PXK: variants seen among roughly 807,000 people sequenced by gnomAD.
The protein encoded by PXK is PX domain-containing protein kinase-like protein.
In PXK, 35 loss-of-function variants were observed where a neutral mutation model predicts 84.7. The ratio of observed to expected loss-of-function variants is 0.41; its 90% CI spans 0.32 to 0.55. The LOEUF (loss-of-function observed/expected upper bound fraction) is 0.55. Ranked by LOEUF, PXK falls within the 20% of genes least tolerant of loss-of-function variation. PXK has a pLI of 0.21. For missense variants in PXK, 634 were observed against 699.7 expected (o/e 0.91, Z 1.06); for synonymous variants, 253 against 260.8 (o/e 0.97, Z 0.29).
At chr3:58,372,736 C>T (rs908329423) in intron 3 of PXK, among the ~76,000 whole-genome samples, 4 of 130,746 alleles carry the variant, frequency 3.1e-5, no homozygotes, top group Admixed American at 1.5e-4. Context: ...AAGCAATTCT[C>T]CTGCCATAAC....
intron 8 of PXK, 123 bp from the exon 9 acceptor site, chr3:58,395,535 C>T (rs62258105): frequency 0.28 from 199,487 of 702,366 alleles, 35,664 homozygotes; most frequent in East Asian, 0.78. Context: ...TAAAAACTCA[C>T]ATCTTGCAGC....
In PXK at chr3:58,383,828, CA is replaced by C. The variant is rs2098527732; in HGVS notation, c.388+1129del. Among the ~76,000 whole-genome samples the C allele has an allele frequency of 6.6e-6, 1 of 152,142 alleles. No individual in the cohort carries two copies. The highest frequency in any genetic ancestry group is 1.5e-5 in the Non-Finnish European group (1 of 68,016). On this transcript the variant is annotated intron_variant, in intron 4 of 17. Transcript: ENST00000356151. This position sits in a 1 kb window ranked among gnomAD's most constrained non-coding sequence, Gnocchi z 4.0. ...TACTTTGCTTGCTAAGAGAATACAC[CA>C]TATCAGATAATTGAGTCCTTAAAAC...
At chr3:58,413,002 C>T (rs376787012) in intron 17 of PXK, 39 bp downstream of exon 17, 17 of 1,597,172 alleles carry the variant, frequency 1.1e-5, no homozygotes, top group Admixed American at 1.0e-4. Context: ...CCTTCCTGTC[C>T]GCCAACAGGA....
At chr3:58,406,925 G>A (rs1332584614) in intron 13 of PXK, among the ~76,000 whole-genome samples, 1 of 152,116 alleles carries the variant, frequency 6.6e-6, no homozygotes, top group East Asian at 1.9e-4. Flanking sequence ...ATATTCCATT[G>A]TATGTATATG....
At chr3:58,344,166 G>A (rs148141276) in intron 1 of PXK, among the ~76,000 whole-genome samples, 27 of 152,300 alleles carry the variant, frequency 1.8e-4, no homozygotes, top group Non-Finnish European at 3.5e-4. Context: ...AGGATTAACC[G>A]AGCTCATCCA....
intron 1 of PXK, among the ~76,000 whole-genome samples, chr3:58,346,260 T>C (rs868255592): frequency 1.1e-4 from 16 of 152,182 alleles, no homozygotes; most frequent in Middle Eastern, 6.8e-3. Flanking sequence ...CTCATAAAAG[T>C]GGCATTTTAG....
At chr3:58,376,226 C>T (rs1474269052) in intron 3 of PXK, among the ~76,000 whole-genome samples, 2 of 151,818 alleles carry the variant, frequency 1.3e-5, no homozygotes, top group Non-Finnish European at 2.9e-5. Context: ...ACCAGCCTGG[C>T]CAACATGGTG....
chr3:58,385,103 T>C lies in PXK; in HGVS notation c.388+2403T>C, dbSNP rs527513751. ...TTTTCTGTACCTGCCCCACATGCTG[T>C]TGTTGTCTTTGATCTCTACTCCCCC... On this transcript the variant is annotated intron_variant, in intron 4 of 17. Coordinates refer to ENST00000356151, the MANE Select transcript of PXK (RefSeq NM_017771.5). The surrounding 1 kb of genome is among the most constrained non-coding windows in gnomAD (Gnocchi z 5.1). Among the ~76,000 whole-genome samples, 20 of 152,314 alleles carry C rather than the reference T, an allele frequency of 1.3e-4. No individual in the cohort carries two copies. Among genetic ancestry groups the C allele is most frequent in the Admixed American group, 9.2e-4 (14 of 15,290 alleles).
chr3:58,381,248 C>CAA (rs34425100), intron 3 of PXK, among the ~76,000 whole-genome samples: 2 of 97,490 alleles, frequency 2.1e-5, no homozygotes, highest in East Asian at 2.9e-4. Flanking sequence ...GACTCCGTCT[C>CAA]AAAAAAAAAA....
intron 1 of PXK, among the ~76,000 whole-genome samples, chr3:58,348,439 C>T (rs182501186): frequency 2.0e-5 from 3 of 152,174 alleles, no homozygotes; most frequent in Admixed American, 6.5e-5. Context: ...TCACTACATA[C>T]GACAGAGGCC....
intron 1 of PXK, among the ~76,000 whole-genome samples, chr3:58,347,772 T>G (rs185235962): frequency 7.9e-5 from 12 of 152,354 alleles, no homozygotes; most frequent in Non-Finnish European, 8.8e-5. Flanking sequence ...AGGCTAAACT[T>G]TATAAGAAAT....
At chr3:58,423,140 A>AT (rs1423651876) in intron 17 of PXK, 1 of 985,162 alleles carries the variant, frequency 1.0e-6, no homozygotes, top group Non-Finnish European at 1.2e-6. Flanking sequence ...TCCTCCTGGT[A>AT]TTTCACTGGT....
chr3:58,385,106 T>C lies in PXK; in HGVS notation c.388+2406T>C, dbSNP rs1204395076. 6.6e-6 allele frequency among the ~76,000 whole-genome samples: 1 copy of C among 152,166 alleles called. No homozygotes were observed. Among genetic ancestry groups the C allele is most frequent in the Non-Finnish European group, 1.5e-5 (1 of 68,026 alleles). ...TCTGTACCTGCCCCACATGCTGTTGTTGTCTTTGATCTCTACTCCCCCTCC... is the reference window on the plus strand; with the variant it reads ...TCTGTACCTGCCCCACATGCTGTTGCTGTCTTTGATCTCTACTCCCCCTCC... On this transcript the variant is annotated intron_variant, in intron 4 of 17. Coordinates refer to ENST00000356151, the MANE Select transcript of PXK (RefSeq NM_017771.5). This position sits in a 1 kb window ranked among gnomAD's most constrained non-coding sequence, Gnocchi z 5.1.
chr3:58,360,482 G>A (rs1246344470), intron 1 of PXK, among the ~76,000 whole-genome samples: 1 of 152,120 alleles, frequency 6.6e-6, no homozygotes, highest in Non-Finnish European at 1.5e-5. Context: ...CGTGAGTAAT[G>A]CCTATATGAT....
intron 1 of PXK, among the ~76,000 whole-genome samples, chr3:58,353,634 G>C (rs560967118): frequency 6.6e-6 from 1 of 152,324 alleles, no homozygotes; most frequent in East Asian, 1.9e-4. Flanking sequence ...CTAAGCAGAA[G>C]TCCTGCAAGC....
intron 1 of PXK, among the ~76,000 whole-genome samples, chr3:58,352,219 CA>C (rs1244141485): frequency 2.0e-5 from 3 of 152,154 alleles, no homozygotes; most frequent in Non-Finnish European, 4.4e-5. Context: ...GAAGGGCTCC[CA>C]GGGGGCCTGT....
At chr3:58,419,876 C>T (rs965781550) in intron 17 of PXK, among the ~76,000 whole-genome samples, 1 of 151,862 alleles carries the variant, frequency 6.6e-6, no homozygotes, top group East Asian at 1.9e-4. Context: ...AAAACATTTG[C>T]CTTGCTTTCC....
chr3:58,368,570 C>T (rs2098314055), intron 2 of PXK, among the ~76,000 whole-genome samples: 1 of 152,144 alleles, frequency 6.6e-6, no homozygotes, highest in South Asian at 2.1e-4. Context: ...GATCCACCCG[C>T]CTTAGCCTCC....
chr3:58,367,506 A>C (rs1305347317), intron 2 of PXK, among the ~76,000 whole-genome samples: 1 of 152,006 alleles, frequency 6.6e-6, no homozygotes, highest in African/African-American at 2.4e-5. Context: ...CGGCCTCCCA[A>C]AGTGTTGGGA....
Sources: allele counts gnomAD v4.1 joint callset (sites outside exome capture counted in the v4.1 genomes callset), GRCh38; gene constraint gnomAD v4.1.1; non-coding constraint Gnocchi (gnomAD v3.1); transcripts MANE v1.5; gene names NCBI Gene and HGNC (gene_info 2026-07-23, HGNC 2026-07-21).